CEP128: variants seen among roughly 807,000 people sequenced by gnomAD.
CEP128 encodes centrosomal protein 128kDa.
CEP128 carries 132 observed loss-of-function variants against 156.7 expected under a neutral mutation model. The observed-to-expected ratio is 0.84, with a 90% CI of 0.73 to 0.97. CEP128 has a LOEUF of 0.97. Ranked by LOEUF, CEP128 falls within the 50% of genes least tolerant of loss-of-function variation. The pLI is 0.00. For missense variants in CEP128, 1,252 were observed against 1,281.9 expected (o/e 0.98, Z 0.36); for synonymous variants, 469 against 448.9 (o/e 1.04, Z -0.57).
intron 9 of CEP128, among the ~76,000 whole-genome samples, chr14:80,859,922 C>G (rs1887431883): frequency 6.6e-6 from 1 of 152,116 alleles, no homozygotes. Context: ...CAAATAAAAA[C>G]TCTTAATGTC....
At chr14:80,853,547 A>G (rs929147702) in intron 9 of CEP128, among the ~76,000 whole-genome samples, 2 of 151,942 alleles carry the variant, frequency 1.3e-5, no homozygotes, top group African/African-American at 4.8e-5. Context: ...AGATAGAAAG[A>G]AAAACCATAA....
At position 80,868,072 on chromosome 14, in the gene CEP128, G is replaced by A. The variant is rs184373756; in HGVS notation, c.646-5199C>T. Reference sequence around the variant, plus strand: ...TAAATTCAAAGTCCTGGCAGGGGGTGGGGGGAGACAGGTGCTGCCAACCAA... The same window carrying A: ...TAAATTCAAAGTCCTGGCAGGGGGTAGGGGGAGACAGGTGCTGCCAACCAA... On this transcript the variant is annotated intron_variant, in intron 8 of 24. Coordinates refer to ENST00000555265, the MANE Select transcript of CEP128 (RefSeq NM_152446.5). Among the ~76,000 whole-genome samples, 638 of 147,568 alleles carry A rather than the reference G, an allele frequency of 4.3e-3. 4 individuals carry two copies. Among genetic ancestry groups the A allele is most frequent in the Non-Finnish European group, 5.9e-3 (387 of 65,194 alleles).
At chr14:80,583,275 C>T (rs1891664243) in intron 19 of CEP128, among the ~76,000 whole-genome samples, 1 of 152,154 alleles carries the variant, frequency 6.6e-6, no homozygotes, top group African/African-American at 2.4e-5. Context: ...TAAATATTCT[C>T]CCTGACTGAC....
downstream of CEP128, among the ~76,000 whole-genome samples, chr14:80,489,637 A>G (rs1887256155): frequency 5.3e-5 from 8 of 151,680 alleles, no homozygotes; most frequent in Admixed American, 5.2e-4. Flanking sequence ...TTTCATTAAA[A>G]TTCAAGAATA....
chr14:80,537,799 T>G (rs1889554324), intron 21 of CEP128, among the ~76,000 whole-genome samples: 1 of 152,186 alleles, frequency 6.6e-6, no homozygotes, highest in African/African-American at 2.4e-5. Flanking sequence ...TGCTTCTAGA[T>G]ACACAGGTCC....
chr14:80,510,689 A>G lies in CEP128; in HGVS notation c.3073-5669T>C, dbSNP rs141702293. 8.5e-4 allele frequency among the ~76,000 whole-genome samples: 130 copies of G among 152,180 alleles called. 1 individual carries two copies. Among genetic ancestry groups the G allele is most frequent in the African/African-American group, 2.9e-3 (121 of 41,560 alleles). On this transcript the variant is annotated intron_variant, in intron 23 of 24. Coordinates refer to ENST00000555265, the MANE Select transcript of CEP128 (RefSeq NM_152446.5). The stretch of plus-strand genomic sequence containing the variant: ...TTGTCTTGTTACAGATCTTAGAGGA[A>G]GGGTTTTCAGTTGTTCCTCATTCAG...
At chr14:80,576,007 T>C (rs1206553187) in intron 20 of CEP128, among the ~76,000 whole-genome samples, 1 of 151,924 alleles carries the variant, frequency 6.6e-6, no homozygotes, top group Non-Finnish European at 1.5e-5. Context: ...GTTCAGTGAC[T>C]GTCATAGGTA....
chr14:80,541,707 G>C (rs572614957), intron 21 of CEP128, among the ~76,000 whole-genome samples: 1 of 151,362 alleles, frequency 6.6e-6, no homozygotes, highest in African/African-American at 2.4e-5. Flanking sequence ...CCATACTTTT[G>C]CTTCTGTCCT....
At chr14:80,618,343 C>G (rs1181828157) in intron 19 of CEP128, among the ~76,000 whole-genome samples, 1 of 152,238 alleles carries the variant, frequency 6.6e-6, no homozygotes, top group Admixed American at 6.5e-5. Context: ...GAATTTAAAA[C>G]AAATCTCGGT....
intron 19 of CEP128, among the ~76,000 whole-genome samples, chr14:80,652,032 T>A (rs1205516142): frequency 1.3e-5 from 2 of 151,936 alleles, no homozygotes; most frequent in Non-Finnish European, 1.5e-5. Flanking sequence ...CTCCCACTAT[T>A]ATGGTGTGGG....
chr14:80,708,465 C>T (rs1595258736), intron 19 of CEP128, among the ~76,000 whole-genome samples: 1 of 151,948 alleles, frequency 6.6e-6, no homozygotes, highest in Non-Finnish European at 1.5e-5. Flanking sequence ...CTTGCAAATA[C>T]TGTTTCCATT....
chr14:80,536,455 TTAAA>T (rs1390512702), intron 21 of CEP128, among the ~76,000 whole-genome samples: 7 of 152,218 alleles, frequency 4.6e-5, no homozygotes, highest in Admixed American at 1.3e-4. Context: ...TGCACACATG[TTAAA>T]TAAATAAGGC....
At chr14:80,687,543 G>A (rs1325165962) in intron 19 of CEP128, among the ~76,000 whole-genome samples, 1 of 152,076 alleles carries the variant, frequency 6.6e-6, no homozygotes, top group Admixed American at 6.6e-5. Context: ...TGTTATTCAT[G>A]GACATAAAGA....
intron 16 of CEP128, among the ~76,000 whole-genome samples, chr14:80,767,066 G>T (rs1383980374): frequency 6.6e-6 from 1 of 152,018 alleles, no homozygotes; most frequent in Non-Finnish European, 1.5e-5. Flanking sequence ...AACAAAAATT[G>T]GATCTGTCTG....
intron 19 of CEP128, among the ~76,000 whole-genome samples, chr14:80,669,738 G>A (rs540277779): frequency 4.6e-5 from 7 of 152,216 alleles, no homozygotes; most frequent in South Asian, 2.1e-4. Flanking sequence ...TATGAAAAAC[G>A]GTATGGAGAT....
chr14:80,582,516 C>T (rs1238320189), intron 19 of CEP128, among the ~76,000 whole-genome samples: 1 of 151,948 alleles, frequency 6.6e-6, no homozygotes, highest in Non-Finnish European at 1.5e-5. Flanking sequence ...TATGTCATTC[C>T]ACTCAAGATG....
At chr14:80,925,842 A>G (rs1442604486) in intron 2 of CEP128, among the ~76,000 whole-genome samples, 1 of 152,130 alleles carries the variant, frequency 6.6e-6, no homozygotes, top group African/African-American at 2.4e-5. Flanking sequence ...GACTGCCTCC[A>G]TGATACACTC....
intron 7 of CEP128, among the ~76,000 whole-genome samples, chr14:80,897,087 T>C (rs1340413718): frequency 6.6e-6 from 1 of 152,242 alleles, no homozygotes; most frequent in Non-Finnish European, 1.5e-5. Flanking sequence ...TGTATGTATG[T>C]ATAGAATGTT....
chr14:80,912,090 G>A (rs189266178), intron 4 of CEP128, among the ~76,000 whole-genome samples: 6 of 151,996 alleles, frequency 3.9e-5, no homozygotes, highest in Admixed American at 2.6e-4. Context: ...AGTGGCATGC[G>A]CCTGTTGTCC....
Sources: allele counts gnomAD v4.1 joint callset (sites outside exome capture counted in the v4.1 genomes callset), GRCh38; gene constraint gnomAD v4.1.1; transcripts MANE v1.5; gene names NCBI Gene and HGNC (gene_info 2026-07-23, HGNC 2026-07-21).